The following SMOC1 variants were observed in gnomAD, a reference collection of about 807,000 sequenced individuals.
SMOC1 encodes the protein SPARC-related modular calcium-binding protein 1.
SMOC1 carries 22 observed loss-of-function variants against 56.3 expected under a neutral mutation model. The ratio of observed to expected loss-of-function variants is 0.39; its 90% CI spans 0.28 to 0.56. The LOEUF (loss-of-function observed/expected upper bound fraction) is 0.56. SMOC1 is among the 20% of genes least tolerant of loss of function. The pLI is 0.61. For synonymous variants in SMOC1, 193 were observed against 215.0 expected (o/e 0.90, Z 0.89); for missense variants, 509 against 565.4 (o/e 0.90, Z 1.01).
intron 1 of SMOC1, among the ~76,000 whole-genome samples, chr14:69,941,838 G>A (rs1249702357): frequency 6.6e-6 from 1 of 152,094 alleles, no homozygotes; most frequent in African/African-American, 2.4e-5. Flanking sequence ...TCCTACTTGT[G>A]AAAATCTTTT....
chr14:69,931,210 C>T (rs1205432162), intron 1 of SMOC1, among the ~76,000 whole-genome samples: 2 of 152,242 alleles, frequency 1.3e-5, no homozygotes, highest in East Asian at 1.9e-4. Flanking sequence ...CTGTCTCCTG[C>T]GCACGCATGG....
chr14:69,933,090 C>T lies in SMOC1; in HGVS notation c.100-19048C>T, dbSNP rs187177304. ...GCAAAAGTTTAAACGGATCGATTCT[C>T]TGATCCGTTTCACCCATAGCAAGCG... On this transcript the variant is annotated intron_variant, in intron 1 of 11. Transcript: ENST00000361956. Among the ~76,000 whole-genome samples the T allele has an allele frequency of 8.1e-4, 123 of 152,230 alleles. 1 individual carries two copies. Among genetic ancestry groups the T allele is most frequent in the Middle Eastern group, 6.8e-3 (2 of 294 alleles).
chr14:69,909,582 G>A (rs902721472), intron 1 of SMOC1, among the ~76,000 whole-genome samples: 1 of 152,148 alleles, frequency 6.6e-6, no homozygotes, highest in Non-Finnish European at 1.5e-5. Flanking sequence ...TTATGTAAAA[G>A]CTTTTCAAAA....
intron 1 of SMOC1, among the ~76,000 whole-genome samples, chr14:69,946,781 A>G (rs368639847): frequency 9.9e-5 from 15 of 152,246 alleles, no homozygotes; most frequent in African/African-American, 2.6e-4. Flanking sequence ...GTAATCCCCA[A>G]TGTTGGAGGT....
intron 1 of SMOC1, among the ~76,000 whole-genome samples, chr14:69,885,108 C>A (rs1883759265): frequency 6.6e-6 from 1 of 152,104 alleles, no homozygotes. Flanking sequence ...CAACCTGAAA[C>A]TTATTTCTTA....
intron 1 of SMOC1, among the ~76,000 whole-genome samples, chr14:69,913,476 G>A (rs769885195): frequency 1.9e-4 from 29 of 152,236 alleles, no homozygotes; most frequent in African/African-American, 4.8e-4. Flanking sequence ...GTGTGTGCGT[G>A]TGTGTGTGTT....
In SMOC1 at chr14:70,013,427, C is replaced by T. The variant is rs141941563; in HGVS notation, c.982C>T (p.Leu328=). ...GAAAATGGAGTTTATCACCAGCCTACTGGATGCTCTCACCACTGACATGGT... is the reference window on the plus strand; with the variant it reads ...GAAAATGGAGTTTATCACCAGCCTATTGGATGCTCTCACCACTGACATGGT... ...GKKMEFITSL[L]DALTTDMVQA... is the part of the protein sequence containing the mutation. The change falls in exon 10 of 12, where the codon CTG becomes TTG. Residue 328 remains leucine (L), a synonymous_variant. Coordinates refer to ENST00000361956, the MANE Select transcript of SMOC1 (RefSeq NM_001034852.3). The T allele has an allele frequency of 6.3e-4, 1,012 of 1,614,206 alleles. 5 individuals are homozygous for T. Among genetic ancestry groups the T allele is most frequent in the African/African-American group, 6.2e-3 (463 of 75,062 alleles).
At chr14:70,011,242 C>T (rs1885324668) in intron 8 of SMOC1, among the ~76,000 whole-genome samples, 1 of 152,106 alleles carries the variant, frequency 6.6e-6, no homozygotes, top group African/African-American at 2.4e-5. Flanking sequence ...AAAGATACTG[C>T]GTGCAGCTCA....
intron 11 of SMOC1, 117 bp from the exon 12 acceptor site, chr14:70,030,125 C>G: frequency 1.3e-6 from 2 of 1,503,070 alleles, no homozygotes; most frequent in Non-Finnish European, 1.8e-6. Flanking sequence ...AAAGGCTGCA[C>G]TTGTGGGGAA....
chr14:69,942,619 G>A (rs1882605686), intron 1 of SMOC1, among the ~76,000 whole-genome samples: 1 of 151,966 alleles, frequency 6.6e-6, no homozygotes, highest in African/African-American at 2.4e-5. Context: ...CTGTCACTTT[G>A]GTTTGGCCTT....
At chr14:70,025,711 C>T (rs1425838231) in intron 11 of SMOC1, among the ~76,000 whole-genome samples, 1 of 152,232 alleles carries the variant, frequency 6.6e-6, no homozygotes, top group Admixed American at 6.5e-5. Flanking sequence ...ATCCGATATG[C>T]TCCAGTGAGC....
Position 69,935,705 on chromosome 14 carries a change from C to T in SMOC1, c.100-16433C>T, listed in dbSNP as rs1204309860. Among the ~76,000 whole-genome samples, 3 of 152,158 alleles carry T rather than the reference C, an allele frequency of 2.0e-5. No homozygotes were observed. In the East Asian group the frequency reaches 5.8e-4, roughly 29 times the overall value. On this transcript the variant is annotated intron_variant, in intron 1 of 11. Coordinates refer to ENST00000361956, the MANE Select transcript of SMOC1 (RefSeq NM_001034852.3). The stretch of plus-strand genomic sequence containing the variant: ...CGGGGGTGGTTGTGCTTTGGTGTAT[C>T]CCCACTCTGAAGTCTGTGCCTGGGA...
In SMOC1 at chr14:69,976,825, A is replaced by G. The variant is rs1883978094; in HGVS notation, c.478+1011A>G. On this transcript the variant is annotated intron_variant, in intron 4 of 11. Coordinates refer to ENST00000361956, the MANE Select transcript of SMOC1 (RefSeq NM_001034852.3). The stretch of plus-strand genomic sequence containing the variant: ...AACATTATGCTAAAACCGATGGGAA[A>G]TTCCAAAGGCTGACAGTCTTGCTAT... Among the ~76,000 whole-genome samples the G allele has an allele frequency of 2.6e-5, 4 of 152,232 alleles. No homozygotes were observed. The South Asian group carries it at 6.2e-4, about 24-fold the overall frequency.
chr14:69,994,536 G>A, intron 7 of SMOC1, 56 bp downstream of exon 7: 4 of 1,403,326 alleles, frequency 2.9e-6, no homozygotes, highest in Non-Finnish European at 4.0e-6. Flanking sequence ...CTTGCCCCGT[G>A]GTTCTGTGAC....
intron 1 of SMOC1, among the ~76,000 whole-genome samples, chr14:69,922,452 T>G (rs1175413659): frequency 6.6e-6 from 1 of 152,180 alleles, no homozygotes; most frequent in Non-Finnish European, 1.5e-5. Context: ...CTACAAGAAC[T>G]GGCTTTCCTG....
At chr14:69,975,391 C>T (rs1284915247) in intron 3 of SMOC1, among the ~76,000 whole-genome samples, 1 of 152,090 alleles carries the variant, frequency 6.6e-6, no homozygotes, top group African/African-American at 2.4e-5. Context: ...GAGCGTATGC[C>T]AGTGCTAGAG....
At chr14:69,949,072 AGG>A (rs1566684789) in intron 1 of SMOC1, among the ~76,000 whole-genome samples, 1 of 152,228 alleles carries the variant, frequency 6.6e-6, no homozygotes, top group East Asian at 1.9e-4. Context: ...CTGAACATCC[AGG>A]TGAGACAGCC....
intron 5 of SMOC1, among the ~76,000 whole-genome samples, chr14:69,982,033 A>C (rs1884198327): frequency 6.6e-6 from 1 of 152,146 alleles, no homozygotes; most frequent in Admixed American, 6.5e-5. Context: ...GATTTCTGGC[A>C]GTTCTCTGTG....
At chr14:69,882,571 C>T (rs187211037) in intron 1 of SMOC1, among the ~76,000 whole-genome samples, 41 of 152,280 alleles carry the variant, frequency 2.7e-4, no homozygotes, top group Middle Eastern at 3.4e-3. Context: ...CTAGCTGGGA[C>T]GTTGGTCAGG....
Sources: gnomAD v4.1 joint callset for allele counts (sites outside exome capture counted in the v4.1 genomes callset) on GRCh38, gnomAD v4.1.1 for gene constraint, MANE v1.5 for transcripts, NCBI Gene and HGNC (gene_info 2026-07-23, HGNC 2026-07-21) for gene names.